Variants in HDAC4 observed in about 807,000 individuals in gnomAD.
HDAC4 encodes histone deacetylase A.
HDAC4 carries 16 observed loss-of-function variants against 135.1 expected under a neutral mutation model. The observed-to-expected ratio is 0.12, with a 90% CI of 0.08 to 0.18. The LOEUF (loss-of-function observed/expected upper bound fraction) is 0.18. HDAC4 is among the 10% of genes least tolerant of loss of function. The pLI is 1.00. For synonymous variants in HDAC4, 685 were observed against 653.4 expected, an observed-to-expected ratio of 1.05 and a Z score of -0.74; for missense variants, 1,143 against 1,511.8, an observed-to-expected ratio of 0.76 and a Z score of 4.05.
chr2:239,373,152 C>G (rs1473494548), intron 1 of HDAC4, among the ~76,000 whole-genome samples: 1 of 152,134 alleles, frequency 6.6e-6, no homozygotes, highest in Non-Finnish European at 1.5e-5. Context: ...TTTCTCACAT[C>G]AGGACATGTG....
chr2:239,197,052 C>G (rs1281186686), intron 3 of HDAC4, among the ~76,000 whole-genome samples: 2 of 152,218 alleles, frequency 1.3e-5, no homozygotes, highest in African/African-American at 4.8e-5. Flanking sequence ...TACCTTAAGT[C>G]TCCCGCTTCC....
chr2:239,135,534 G>A (rs990543997), intron 9 of HDAC4, among the ~76,000 whole-genome samples: 3 of 152,210 alleles, frequency 2.0e-5, no homozygotes, highest in African/African-American at 4.8e-5. Flanking sequence ...CTAGAGGAAC[G>A]GCGAACACTG....
intron 3 of HDAC4, among the ~76,000 whole-genome samples, chr2:239,210,083 A>C (rs1030035580): frequency 6.6e-6 from 1 of 152,238 alleles, no homozygotes; most frequent in Non-Finnish European, 1.5e-5. Flanking sequence ...CCCAGCAACA[A>C]GCCCTCTCCT....
chr2:239,237,300 T>C (rs1404826116), intron 2 of HDAC4, among the ~76,000 whole-genome samples: 1 of 152,120 alleles, frequency 6.6e-6, no homozygotes, highest in Non-Finnish European at 1.5e-5. Flanking sequence ...TGGCACAGGC[T>C]GGATTTAGAC....
chr2:239,126,366 G>C (rs2040186980), intron 12 of HDAC4, 90 bp downstream of exon 12: 1 of 1,603,516 alleles, frequency 6.2e-7, no homozygotes, highest in Non-Finnish European at 8.5e-7. Context: ...CTCCCTTAAG[G>C]TCAGAAAGGG....
intron 4 of HDAC4, among the ~76,000 whole-genome samples, chr2:239,181,748 C>A (rs956381875): frequency 6.6e-6 from 1 of 152,188 alleles, no homozygotes; most frequent in Non-Finnish European, 1.5e-5. Context: ...AAATATTTAA[C>A]CTCTCCGTGC....
chr2:239,300,812 C>T (rs1384368945), intron 2 of HDAC4, among the ~76,000 whole-genome samples: 4 of 152,356 alleles, frequency 2.6e-5, no homozygotes, highest in South Asian at 4.1e-4. Context: ...TTGCACGCTG[C>T]GTGATGGGAG....
chr2:239,219,410 A>T (rs2046822814), intron 3 of HDAC4, among the ~76,000 whole-genome samples: 1 of 146,928 alleles, frequency 6.8e-6, no homozygotes, highest in African/African-American at 2.5e-5. Context: ...ATAGGTAGGA[A>T]TTGAACATTG....
chr2:239,287,654 G>A (rs1288141203), intron 2 of HDAC4, among the ~76,000 whole-genome samples: 1 of 152,138 alleles, frequency 6.6e-6, no homozygotes, highest in East Asian at 1.9e-4. Context: ...GAAAGTACCA[G>A]GAAGATAAGA....
At chr2:239,179,152 G>T (rs535264787) in intron 4 of HDAC4, among the ~76,000 whole-genome samples, 4 of 152,020 alleles carry the variant, frequency 2.6e-5, no homozygotes, top group African/African-American at 9.7e-5. Flanking sequence ...TGGGGTGTGC[G>T]TGCGAGGCAG....
intron 22 of HDAC4, among the ~76,000 whole-genome samples, chr2:239,077,489 C>T (rs1254071009): frequency 2.0e-5 from 3 of 152,354 alleles, no homozygotes; most frequent in East Asian, 1.9e-4. Context: ...CTTACAGGGC[C>T]GGCCCCACAG....
chr2:239,339,250 C>T (rs573378200), intron 2 of HDAC4, among the ~76,000 whole-genome samples: 1 of 152,370 alleles, frequency 6.6e-6, no homozygotes, highest in South Asian at 2.1e-4. Context: ...CCACTGCTCA[C>T]TGTCCCAGTG....
chr2:239,366,938 C>G (rs913067446), intron 1 of HDAC4, among the ~76,000 whole-genome samples: 5 of 148,156 alleles, frequency 3.4e-5, no homozygotes, highest in African/African-American at 1.1e-4. Context: ...TGCACCCAAG[C>G]ACGCGTAGCT....
chr2:239,118,980 C>T (rs894230363), intron 12 of HDAC4, among the ~76,000 whole-genome samples: 3 of 152,154 alleles, frequency 2.0e-5, no homozygotes, highest in African/African-American at 4.8e-5. Context: ...GTACCGCTGT[C>T]GCTGTGAGCA....
At chr2:239,328,435 A>G (rs1462722471) in intron 2 of HDAC4, among the ~76,000 whole-genome samples, 2 of 152,210 alleles carry the variant, frequency 1.3e-5, no homozygotes, top group African/African-American at 4.8e-5. Flanking sequence ...TGAGATCTGG[A>G]CAGTGAGGTA....
chr2:239,301,643 G>A (rs536700685), intron 2 of HDAC4, among the ~76,000 whole-genome samples: 1 of 152,094 alleles, frequency 6.6e-6, no homozygotes, highest in East Asian at 1.9e-4. Context: ...ACCATGCCCA[G>A]CTAATGTTTT....
chr2:239,158,899 C>A (rs372110191), intron 6 of HDAC4, among the ~76,000 whole-genome samples: 5 of 152,024 alleles, frequency 3.3e-5, no homozygotes, highest in African/African-American at 1.2e-4. Flanking sequence ...ACACCCGCAC[C>A]GCACACAATT....
chr2:239,159,280 ACACCT>A (rs1358143546), intron 6 of HDAC4, among the ~76,000 whole-genome samples: 1 of 139,200 alleles, frequency 7.2e-6, no homozygotes, highest in Non-Finnish European at 1.6e-5. Context: ...ACTCACGCCC[ACACCT>A]CACCTCACTA....
At chr2:239,316,194 G>A (rs1057003117) in intron 2 of HDAC4, among the ~76,000 whole-genome samples, 2 of 152,130 alleles carry the variant, frequency 1.3e-5, no homozygotes, top group African/African-American at 4.8e-5. Flanking sequence ...CACTACTGGC[G>A]GAAATGCAAA....
Sources: gnomAD v4.1 joint callset for allele counts (sites outside exome capture counted in the v4.1 genomes callset) on GRCh38, gnomAD v4.1.1 for gene constraint, MANE v1.5 for transcripts, NCBI Gene and HGNC (gene_info 2026-07-23, HGNC 2026-07-21) for gene names.